The following NEBL variants were observed in gnomAD, a reference collection of about 807,000 sequenced individuals.
The protein encoded by NEBL is nebulette.
Under a neutral mutation model 140.2 loss-of-function variants are expected in NEBL, and 122 were observed. The observed-to-expected ratio is 0.87, with a 90% CI of 0.75 to 1.01. NEBL has a LOEUF of 1.01. Ranked by LOEUF, NEBL falls within the 50% of genes least tolerant of loss-of-function variation. The probability of loss-of-function intolerance (pLI) is 0.00; values close to 1 mark genes in which losing one functional copy is unlikely to be tolerated. For missense variants in NEBL, 1,365 were observed against 1,231.3 expected (o/e 1.11, Z -1.62); for synonymous variants, 436 against 398.9 (o/e 1.09, Z -1.11).
At chr10:21,267,425 T>C (rs563871399) in intron 1 of NEBL, among the ~76,000 whole-genome samples, 140 of 152,238 alleles carry the variant, frequency 9.2e-4, no homozygotes, top group Admixed American at 2.0e-3. Context: ...GCTGTTCTGA[T>C]GTGTCTTATT....
At chr10:20,961,525 A>G (rs898069488) in intron 4 of NEBL, 16 of 727,032 alleles carry the variant, frequency 2.2e-5, no homozygotes, top group Admixed American at 1.5e-4. Flanking sequence ...GGCAGGGTTT[A>G]CCAGATGAAA....
intron 2 of NEBL, among the ~76,000 whole-genome samples, chr10:21,103,230 T>C (rs1186366032): frequency 6.7e-6 from 1 of 148,788 alleles, no homozygotes; most frequent in South Asian, 2.2e-4. Context: ...TTTTTTTTTT[T>C]GAGATGGAGT....
intron 11 of NEBL, 103 bp from the exon 12 acceptor site, chr10:20,845,471 T>TAG (rs1316074988): frequency 1.4e-6 from 1 of 735,652 alleles, no homozygotes; most frequent in African/African-American, 1.8e-5. Flanking sequence ...TTTTCTTAGG[T>TAG]AGTTCTACCA....
At chr10:21,198,719 C>T (rs1841689345) in intron 3 of NEBL, among the ~76,000 whole-genome samples, 1 of 152,144 alleles carries the variant, frequency 6.6e-6, no homozygotes, top group Admixed American at 6.5e-5. Flanking sequence ...CTGCCAGCAC[C>T]AGCCACTAGT....
chr10:21,226,454 A>G (rs558688480), intron 3 of NEBL, among the ~76,000 whole-genome samples: 61 of 152,266 alleles, frequency 4.0e-4, no homozygotes, highest in African/African-American at 1.3e-3. Context: ...GAATTGCCCA[A>G]AAATTGCAGT....
At chr10:20,919,939 C>A (rs1334263265) in intron 4 of NEBL, among the ~76,000 whole-genome samples, 4 of 149,434 alleles carry the variant, frequency 2.7e-5, no homozygotes, top group African/African-American at 9.9e-5. Context: ...GGCTAAGAGT[C>A]CTAATATAAA....
At chr10:20,943,356 C>T (rs965839846) in intron 4 of NEBL, among the ~76,000 whole-genome samples, 9 of 152,158 alleles carry the variant, frequency 5.9e-5, no homozygotes, top group African/African-American at 1.9e-4. Context: ...AACCAAACAC[C>T]GCATGTTCTC....
At chr10:21,099,729 C>T (rs1837384993) in intron 2 of NEBL, among the ~76,000 whole-genome samples, 2 of 152,156 alleles carry the variant, frequency 1.3e-5, no homozygotes, top group Non-Finnish European at 2.9e-5. Context: ...GGGAGAAAGA[C>T]TGTGAGCCAG....
intron 2 of NEBL, among the ~76,000 whole-genome samples, chr10:21,112,371 A>C (rs1025238684): frequency 2.0e-5 from 3 of 152,230 alleles, no homozygotes; most frequent in African/African-American, 7.2e-5. Flanking sequence ...CTGGATTAAG[A>C]AAATGTGGCA....
chr10:21,238,677 G>T (rs1320636147), intron 3 of NEBL, among the ~76,000 whole-genome samples: 4 of 143,890 alleles, frequency 2.8e-5, no homozygotes, highest in Non-Finnish European at 4.5e-5. Flanking sequence ...ATTACACTCC[G>T]GCCTGGGCAA....
intron 8 of NEBL, 97 bp downstream of exon 8, chr10:20,859,616 C>T (rs1843450098): frequency 2.7e-6 from 2 of 746,272 alleles, no homozygotes; most frequent in Non-Finnish European, 4.5e-6. Context: ...CTACAAATTA[C>T]TTGGAAGCTA....
intron 1 of NEBL, among the ~76,000 whole-genome samples, chr10:21,284,743 T>A (rs909271112): frequency 3.3e-5 from 5 of 152,148 alleles, no homozygotes; most frequent in African/African-American, 1.2e-4. Context: ...TTCCTCACTC[T>A]CCCTTGCACA....
intron 26 of NEBL, among the ~76,000 whole-genome samples, chr10:20,798,413 T>C (rs1410423656): frequency 6.6e-6 from 1 of 152,212 alleles, no homozygotes; most frequent in Admixed American, 6.5e-5. Context: ...GGGAAATTTG[T>C]GACTGTGGAG....
At chr10:21,075,063 C>A (rs1017231230) in intron 2 of NEBL, among the ~76,000 whole-genome samples, 6 of 152,154 alleles carry the variant, frequency 3.9e-5, no homozygotes, top group Non-Finnish European at 7.3e-5. Context: ...GCCTTGGCCT[C>A]CCAAAGTGCT....
chr10:21,099,612 C>T (rs994008148), intron 2 of NEBL, among the ~76,000 whole-genome samples: 1 of 152,074 alleles, frequency 6.6e-6, no homozygotes, highest in Non-Finnish European at 1.5e-5. Context: ...TACAAAGGGC[C>T]GTAACTGCAT....
intron 3 of NEBL, among the ~76,000 whole-genome samples, chr10:21,184,179 C>T (rs746106126): frequency 5.9e-5 from 9 of 152,194 alleles, no homozygotes; most frequent in Non-Finnish European, 8.8e-5. Flanking sequence ...GTCCACGTGA[C>T]TATTACTTTT....
intron 4 of NEBL, among the ~76,000 whole-genome samples, chr10:20,886,725 G>A (rs991414850): frequency 6.6e-6 from 1 of 152,064 alleles, no homozygotes; most frequent in Admixed American, 6.6e-5. Flanking sequence ...TCAGTGCTTC[G>A]GTCTCCACAA....
At chr10:21,244,371 A>G (rs2132267409) in intron 3 of NEBL, among the ~76,000 whole-genome samples, 1 of 149,682 alleles carries the variant, frequency 6.7e-6, no homozygotes, top group South Asian at 2.1e-4. Flanking sequence ...ACTTGGTTTC[A>G]CTGGGTGCAG....
chr10:20,999,731 G>A (rs975367977), intron 3 of NEBL, among the ~76,000 whole-genome samples: 1 of 152,222 alleles, frequency 6.6e-6, no homozygotes, highest in Non-Finnish European at 1.5e-5. Flanking sequence ...AATGAGGTCT[G>A]ATGGCTCCAT....
Sources: allele counts gnomAD v4.1 joint callset (sites outside exome capture counted in the v4.1 genomes callset), GRCh38; gene constraint gnomAD v4.1.1; transcripts MANE v1.5; gene names NCBI Gene and HGNC (gene_info 2026-07-23, HGNC 2026-07-21).